Variants in PCDH15 observed in about 807,000 individuals in gnomAD.
PCDH15 encodes the protein protocadherin related 15, also known as protocadherin-15.
In PCDH15, 129 loss-of-function variants were observed where a neutral mutation model predicts 178.5. The ratio of observed to expected loss-of-function variants is 0.72; its 90% CI spans 0.63 to 0.84. The LOEUF is 0.84. Ranked by LOEUF, PCDH15 falls within the 40% of genes least tolerant of loss-of-function variation. The pLI, the probability that PCDH15 is intolerant of heterozygous loss-of-function variation, is 0.00. For synonymous variants in PCDH15, 800 were observed against 732.0 expected (o/e 1.09, Z -1.50); for missense variants, 2,230 against 2,099.9 (o/e 1.06, Z -1.21).
intron 2 of PCDH15, among the ~76,000 whole-genome samples, chr10:55,428,226 G>T (rs968900436): frequency 1.3e-5 from 2 of 151,878 alleles, no homozygotes; most frequent in African/African-American, 4.8e-5. Context: ...TTAATAATTT[G>T]TCATCTACCT....
chr10:55,126,562 G>A (rs994355062), intron 2 of PCDH15, among the ~76,000 whole-genome samples: 1 of 151,966 alleles, frequency 6.6e-6, no homozygotes, highest in Non-Finnish European at 1.5e-5. Flanking sequence ...ATAGAAGATA[G>A]GATTGCAGAC....
chr10:54,784,334 TAATAA>T (rs1950641691), intron 1 of PCDH15, among the ~76,000 whole-genome samples: 1 of 11,622 alleles, frequency 8.6e-5, no homozygotes, highest in African/African-American at 1.4e-4. Context: ...AGAATAATAA[TAATAA>T]AAAAAAAAAA....
chr10:53,840,353 G>A lies in PCDH15; in HGVS notation c.3950C>T (p.Thr1317Ile), dbSNP rs774065417. 1 of 1,614,184 alleles carries A rather than the reference G, an allele frequency of 6.2e-7. No homozygotes were observed. Among genetic ancestry groups the A allele is most frequent in the East Asian group, 2.2e-5 (1 of 44,874 alleles). Residue 1317 changes from threonine (T) to isoleucine (I), a missense_variant, in exon 29 of 38, where the codon ACC becomes ATC. Thr to Ile is a moderately conservative substitution (Grantham distance 89, BLOSUM62 -1). Coordinates refer to ENST00000644397, the MANE Select transcript of PCDH15 (RefSeq NM_001384140.1). ...CTCATTTCTATCGATGGCTCTGTTG[G>A]TTTGGGGGTCAATTGCATAGACAGT... ...DLTVYAIDPQTNRAIDRNELF... is the reference protein window; with the variant it reads ...DLTVYAIDPQINRAIDRNELF...
intron 10 of PCDH15, among the ~76,000 whole-genome samples, chr10:54,196,133 ATTATT>A (rs1051548894): frequency 7.9e-5 from 12 of 152,088 alleles, no homozygotes; most frequent in East Asian, 1.9e-4. Flanking sequence ...ATAAATTATT[ATTATT>A]TTATTTTATG....
chr10:54,173,203 T>C (rs1224716002), intron 13 of PCDH15, among the ~76,000 whole-genome samples: 1 of 152,192 alleles, frequency 6.6e-6, no homozygotes, highest in Non-Finnish European at 1.5e-5. Flanking sequence ...ATTTGTCATG[T>C]ATTATAAAAC....
At chr10:54,180,283 G>A (rs752788258) in intron 13 of PCDH15, among the ~76,000 whole-genome samples, 1 of 152,108 alleles carries the variant, frequency 6.6e-6, no homozygotes, top group Non-Finnish European at 1.5e-5. Flanking sequence ...ATTTATAACT[G>A]AGAACTTATA....
rs187749311 is a variant in PCDH15, at chr10:55,384,872, C to T, written c.-155-218221G>A. Among the ~76,000 whole-genome samples, 12 of 152,090 alleles carry T rather than the reference C, an allele frequency of 7.9e-5. 1 individual carries two copies. The East Asian group carries it at 2.3e-3, about 29-fold the overall frequency. ...TTTTGAAATTTTATTTACTGTATTACATGTTAATTTACTAACAAGCACAAT... is the reference window on the plus strand; with the variant it reads ...TTTTGAAATTTTATTTACTGTATTATATGTTAATTTACTAACAAGCACAAT... On this transcript the variant is annotated intron_variant, in intron 2 of 5. Transcript: ENST00000613346.
chr10:54,938,545 C>CA (rs1449508452), intron 2 of PCDH15, among the ~76,000 whole-genome samples: 1 of 152,002 alleles, frequency 6.6e-6, no homozygotes, highest in African/African-American at 2.4e-5. Context: ...TGAAGTAAGG[C>CA]ATCTGAGCCA....
At chr10:54,146,934 A>AGT (rs1564530417) in intron 14 of PCDH15, among the ~76,000 whole-genome samples, 120 of 83,592 alleles carry the variant, frequency 1.4e-3, no homozygotes, top group Non-Finnish European at 1.8e-3. Context: ...ATATATATAT[A>AGT]ATGTATATAT....
At chr10:54,112,608 T>C (rs1036450900) in intron 15 of PCDH15, among the ~76,000 whole-genome samples, 1 of 152,154 alleles carries the variant, frequency 6.6e-6, no homozygotes, top group Non-Finnish European at 1.5e-5. Flanking sequence ...TTCACTGATT[T>C]CTACAGTCCT....
chr10:55,439,694 G>A (rs1327179877), intron 2 of PCDH15, among the ~76,000 whole-genome samples: 2 of 151,940 alleles, frequency 1.3e-5, no homozygotes, highest in African/African-American at 4.8e-5. Flanking sequence ...AAAGAAGGGA[G>A]AGGAGACAAA....
At chr10:53,912,723 C>A (rs1478682246) in intron 25 of PCDH15, among the ~76,000 whole-genome samples, 4 of 152,094 alleles carry the variant, frequency 2.6e-5, no homozygotes, top group Admixed American at 2.6e-4. Flanking sequence ...ACCTAGGAAT[C>A]CAACTTACAA....
chr10:54,017,602 C>T (rs971702740), intron 20 of PCDH15, among the ~76,000 whole-genome samples: 4 of 151,982 alleles, frequency 2.6e-5, no homozygotes, highest in Non-Finnish European at 5.9e-5. Context: ...TACTCCTGGA[C>T]ATAAAAATAG....
At chr10:55,286,951 CTT>C (rs1842886802) in intron 1 of PCDH15, among the ~76,000 whole-genome samples, 1 of 151,966 alleles carries the variant, frequency 6.6e-6, no homozygotes, top group Non-Finnish European at 1.5e-5. Context: ...TCTCAAATCA[CTT>C]TTATGAATTA....
chr10:55,463,146 C>T (rs1413489974), intron 2 of PCDH15, among the ~76,000 whole-genome samples: 1 of 149,944 alleles, frequency 6.7e-6, no homozygotes, highest in East Asian at 1.9e-4. Context: ...AAAGCTGAAA[C>T]CTGGCAATGA....
In PCDH15 at chr10:55,219,947, G is replaced by A. The variant is rs376061206; in HGVS notation, c.-155-53296C>T. 1.9e-4 allele frequency among the ~76,000 whole-genome samples: 28 copies of A among 150,802 alleles called. No homozygotes were observed. In the East Asian group the frequency reaches 2.3e-3, roughly 13 times the overall value. On this transcript the variant is annotated intron_variant, in intron 1 of 5. Transcript: ENST00000458638. ...CTAACATGTTAGGTCATCAATAAAT[G>A]TTCTATTTATAAACTCTCCAATATC...
chr10:54,626,304 G>A (rs1012047678), intron 2 of PCDH15, among the ~76,000 whole-genome samples: 33 of 152,104 alleles, frequency 2.2e-4, no homozygotes, highest in Admixed American at 2.2e-3. Context: ...GAACACAATA[G>A]GGGAAATGTC....
chr10:54,696,433 C>T (rs1026759208), intron 1 of PCDH15, among the ~76,000 whole-genome samples: 1 of 152,016 alleles, frequency 6.6e-6, no homozygotes, highest in Admixed American at 6.6e-5. Flanking sequence ...GGTGAAGATG[C>T]CATGAACTCC....
chr10:54,500,381 A>C (rs1408777081), intron 3 of PCDH15, among the ~76,000 whole-genome samples: 1 of 152,150 alleles, frequency 6.6e-6, no homozygotes. Flanking sequence ...TTTGTTCACC[A>C]AACCACAGTG....
Sources: gnomAD v4.1 joint callset for allele counts (sites outside exome capture counted in the v4.1 genomes callset) on GRCh38, gnomAD v4.1.1 for gene constraint, MANE v1.5 for transcripts, NCBI Gene and HGNC (gene_info 2026-07-23, HGNC 2026-07-21) for gene names.